The following BICC1 variants were observed in gnomAD, a reference collection of about 807,000 sequenced individuals.
BICC1 encodes BicC family RNA binding protein 1, also known as protein bicaudal C homolog 1.
In BICC1, 43 loss-of-function variants were observed where a neutral mutation model predicts 111.0. The ratio of observed to expected loss-of-function variants is 0.39; its 90% CI spans 0.30 to 0.50. BICC1 has a LOEUF of 0.50. Ranked by LOEUF, BICC1 falls within the 20% of genes least tolerant of loss-of-function variation. The pLI is 0.88. For missense variants in BICC1, 1,091 were observed against 1,203.2 expected, an observed-to-expected ratio of 0.91 and a Z score of 1.38; for synonymous variants, 467 against 434.4, an observed-to-expected ratio of 1.07 and a Z score of -0.93.
chr10:58,802,930 G>A, intron 14 of BICC1, 147 bp from the exon 15 acceptor site: 1 of 731,620 alleles, frequency 1.4e-6, no homozygotes, highest in Non-Finnish European at 2.0e-6. Context: ...TAGTACCTGT[G>A]TCATAGCATT....
chr10:58,532,910 A>G (rs1390571815), intron 1 of BICC1, among the ~76,000 whole-genome samples: 1 of 151,840 alleles, frequency 6.6e-6, no homozygotes, highest in African/African-American at 2.4e-5. Flanking sequence ...TACAATCCTG[A>G]AGACAAAGCA....
intron 1 of BICC1, among the ~76,000 whole-genome samples, chr10:58,581,323 A>C (rs1844273781): frequency 6.6e-6 from 1 of 152,192 alleles, no homozygotes; most frequent in Non-Finnish European, 1.5e-5. Flanking sequence ...TTATATTTAA[A>C]ATATGTCAGT....
At chr10:58,677,572 T>C (rs1839384308) in intron 2 of BICC1, among the ~76,000 whole-genome samples, 1 of 152,174 alleles carries the variant, frequency 6.6e-6, no homozygotes, top group Admixed American at 6.5e-5. Flanking sequence ...CTACGTTTGA[T>C]TGGTGTACCT....
chr10:58,771,473 G>A (rs1842620839), intron 3 of BICC1, among the ~76,000 whole-genome samples: 1 of 152,120 alleles, frequency 6.6e-6, no homozygotes, highest in South Asian at 2.1e-4. Context: ...TAATGGGGTA[G>A]CATGTAATAG....
At chr10:58,732,137 TGA>T (rs1017297702) in intron 3 of BICC1, among the ~76,000 whole-genome samples, 4 of 151,760 alleles carry the variant, frequency 2.6e-5, no homozygotes, top group African/African-American at 9.7e-5. Context: ...TCATTTAATG[TGA>T]GAGGTGTGTG....
At chr10:58,780,739 A>G (rs1362339040) in intron 3 of BICC1, among the ~76,000 whole-genome samples, 1 of 152,180 alleles carries the variant, frequency 6.6e-6, no homozygotes, top group Non-Finnish European at 1.5e-5. Flanking sequence ...GAGTACCAAG[A>G]GATAATCTTT....
At chr10:58,824,012 G>C (rs553575322) in intron 20 of BICC1, 2 of 985,140 alleles carry the variant, frequency 2.0e-6, no homozygotes, top group Non-Finnish European at 2.4e-6. Context: ...TACCTTCCTT[G>C]CTTCTTCAGA....
At chr10:58,667,840 G>C (rs1839064642) in intron 2 of BICC1, among the ~76,000 whole-genome samples, 1 of 152,044 alleles carries the variant, frequency 6.6e-6, no homozygotes, top group African/African-American at 2.4e-5. Context: ...CTAACTCATA[G>C]CTAGGTGATC....
intron 1 of BICC1, among the ~76,000 whole-genome samples, chr10:58,514,489 G>C (rs1842188044): frequency 6.6e-6 from 1 of 152,156 alleles, no homozygotes; most frequent in Admixed American, 6.5e-5. Flanking sequence ...TGGCTTTTTA[G>C]AACAATTAAG....
rs78275137 is a variant in BICC1, at chr10:58,563,345, A to G, written c.190+50012A>G. On this transcript the variant is annotated intron_variant, in intron 1 of 20. Coordinates refer to ENST00000373886, the MANE Select transcript of BICC1 (RefSeq NM_001080512.3). The stretch of plus-strand genomic sequence containing the variant: ...TTAGGCAGCTCCCTGTACCCTGACT[A>G]AAGTGTACTCCGCTTAGTCCTCTGT... 5.1e-3 allele frequency among the ~76,000 whole-genome samples: 783 copies of G among 152,222 alleles called. 4 individuals carry two copies. Among genetic ancestry groups the G allele is most frequent in the African/African-American group, 0.018 (747 of 41,526 alleles).
chr10:58,598,178 A>G (rs1203945012), intron 1 of BICC1, among the ~76,000 whole-genome samples: 3 of 152,150 alleles, frequency 2.0e-5, no homozygotes, highest in Non-Finnish European at 4.4e-5. Flanking sequence ...ATATGGAACC[A>G]AAAAAGAGCC....
At chr10:58,739,846 A>C (rs4948544) in intron 3 of BICC1, among the ~76,000 whole-genome samples, 151,461 of 152,276 alleles carry the variant, frequency 0.99, 75,333 homozygotes, top group Middle Eastern at 1. Context: ...TAAATCTTAG[A>C]TGAATGGCTT....
intron 1 of BICC1, among the ~76,000 whole-genome samples, chr10:58,557,672 A>G (rs1843490814): frequency 6.6e-6 from 1 of 152,046 alleles, no homozygotes; most frequent in Admixed American, 6.6e-5. Flanking sequence ...TTTTACCCCA[A>G]AGATGTAGTT....
At chr10:58,588,153 A>G (rs1384479753) in intron 1 of BICC1, among the ~76,000 whole-genome samples, 1 of 152,226 alleles carries the variant, frequency 6.6e-6, no homozygotes, top group Non-Finnish European at 1.5e-5. Context: ...TGCTCTATGT[A>G]TCTTATTCCC....
intron 8 of BICC1, 83 bp downstream of exon 8, chr10:58,790,016 G>T: frequency 6.9e-7 from 1 of 1,454,006 alleles, no homozygotes; most frequent in South Asian, 1.3e-5. Flanking sequence ...GTACTAATGT[G>T]ATATTTAGGA....
At chr10:58,797,741 T>C (rs377212334) in intron 10 of BICC1, among the ~76,000 whole-genome samples, 3 of 152,196 alleles carry the variant, frequency 2.0e-5, no homozygotes, top group African/African-American at 7.2e-5. Flanking sequence ...CACATTTCAT[T>C]CTAGAACATA....
chr10:58,697,762 A>T (rs1439905937), intron 2 of BICC1, among the ~76,000 whole-genome samples: 1 of 151,882 alleles, frequency 6.6e-6, no homozygotes, highest in Non-Finnish European at 1.5e-5. Context: ...AGATCCAGTA[A>T]CCTAGCTCCA....
chr10:58,806,971 A>G (rs1390248419), intron 16 of BICC1, 33 bp from the exon 17 acceptor site: 4 of 1,591,084 alleles, frequency 2.5e-6, no homozygotes, highest in Non-Finnish European at 3.4e-6. Flanking sequence ...TGCATTAAAC[A>G]TACCAAGCAT....
chr10:58,738,255 T>C (rs1460725510), intron 3 of BICC1, among the ~76,000 whole-genome samples: 6 of 152,206 alleles, frequency 3.9e-5, no homozygotes, highest in Admixed American at 2.0e-4. Context: ...CATCTTGAAT[T>C]GATTTTTGTA....
Sources: gnomAD v4.1 joint callset for allele counts (sites outside exome capture counted in the v4.1 genomes callset) on GRCh38, gnomAD v4.1.1 for gene constraint, MANE v1.5 for transcripts, NCBI Gene and HGNC (gene_info 2026-07-23, HGNC 2026-07-21) for gene names.